The following COL15A1 variants were observed in gnomAD, a reference collection of about 807,000 sequenced individuals.
COL15A1 encodes collagen alpha-1(XV) chain.
In COL15A1, 111 loss-of-function variants were observed where a neutral mutation model predicts 165.9. That is an observed-to-expected ratio of 0.67 (90% CI 0.57 to 0.78). The LOEUF is 0.78. Ranked by LOEUF, COL15A1 falls within the 30% of genes least tolerant of loss-of-function variation. COL15A1 has a pLI of 0.00. For synonymous variants in COL15A1, 659 were observed against 674.8 expected, an observed-to-expected ratio of 0.98 and a Z score of 0.36; for missense variants, 1,745 against 1,789.7, an observed-to-expected ratio of 0.98 and a Z score of 0.45.
chr9:99,053,960 A>G (rs934731559), intron 31 of COL15A1, among the ~76,000 whole-genome samples: 1 of 152,186 alleles, frequency 6.6e-6, no homozygotes, highest in Admixed American at 6.5e-5. Context: ...TGATCTCCCA[A>G]AAGGCTTTCC....
Position 99,025,917 on chromosome 9 carries a change from A to G in COL15A1, c.1994A>G (p.Gln665Arg). The G allele has an allele frequency of 6.2e-7, 1 of 1,613,212 alleles. No homozygotes were observed. The change falls in exon 16 of 42, where the codon CAG becomes CGG. Residue 665 changes from glutamine to arginine, a missense_variant. By Grantham distance (43) the Gln-to-Arg change is conservative. Coordinates refer to ENST00000375001, the MANE Select transcript of COL15A1 (RefSeq NM_001855.5). ...GEPGPPGPEG[Q>R]PGVDGATGLP... is the part of the protein sequence containing the mutation. ...GATGTTCCCCAGGGCCCTGAGGGACAGCCTGGAGTTGATGGAGCCACCGGC... is the reference window on the plus strand; with the variant it reads ...GATGTTCCCCAGGGCCCTGAGGGACGGCCTGGAGTTGATGGAGCCACCGGC...
chr9:99,066,529 T>C (rs1375530437), intron 39 of COL15A1, among the ~76,000 whole-genome samples: 1 of 151,038 alleles, frequency 6.6e-6, no homozygotes, highest in African/African-American at 2.4e-5. Context: ...CTCAAACTTA[T>C]GGCCTGCAGG....
rs572510277 is a variant in COL15A1, at chr9:99,036,143, A to T, written c.2290-27A>T. On this transcript the variant is annotated intron_variant, in intron 19 of 41. Coordinates refer to ENST00000375001, the MANE Select transcript of COL15A1 (RefSeq NM_001855.5). ...TGGAGGTGAGCAAAGTGACTAGAAG[A>T]ATATTTATTTTTGTTTATTTTTCCA... The T allele has an allele frequency of 1.4e-5, 23 of 1,590,078 alleles. No homozygotes were observed. In the South Asian group the frequency reaches 2.5e-4, roughly 18 times the overall value.
At chr9:99,069,074 A>T (rs139989071) in intron 41 of COL15A1, among the ~76,000 whole-genome samples, 1 of 152,364 alleles carries the variant, frequency 6.6e-6, no homozygotes, top group Non-Finnish European at 1.5e-5. Context: ...CTTGAAAATT[A>T]TGTGAGTTTT....
intron 2 of COL15A1, among the ~76,000 whole-genome samples, chr9:98,964,794 T>A (rs1353469664): frequency 6.6e-6 from 1 of 152,078 alleles, no homozygotes; most frequent in African/African-American, 2.4e-5. Context: ...TGGGCATCAG[T>A]TTTCTCATCT....
intron 2 of COL15A1, among the ~76,000 whole-genome samples, chr9:98,977,410 C>T (rs1197271783): frequency 6.6e-6 from 1 of 152,244 alleles, no homozygotes; most frequent in Non-Finnish European, 1.5e-5. Flanking sequence ...CTCCTCCCCT[C>T]CCTGGTGGCT....
At chr9:99,043,256 G>A (rs1839442086) in intron 24 of COL15A1, among the ~76,000 whole-genome samples, 1 of 152,116 alleles carries the variant, frequency 6.6e-6, no homozygotes, top group African/African-American at 2.4e-5. Context: ...GCTGGGTGAA[G>A]GTTTGGCATC....
At chr9:99,063,200 A>T in intron 39 of COL15A1, 91 bp downstream of exon 39, 1 of 1,365,078 alleles carries the variant, frequency 7.3e-7, no homozygotes, top group Non-Finnish European at 9.6e-7. Flanking sequence ...TCCTACCATC[A>T]TGATACTTAT....
intron 9 of COL15A1, among the ~76,000 whole-genome samples, chr9:99,012,367 T>C (rs191033510): frequency 2.0e-5 from 3 of 152,282 alleles, no homozygotes; most frequent in Admixed American, 2.0e-4. Flanking sequence ...ACTCTAGCCA[T>C]GAAATATTAA....
chr9:98,987,182 C>T (rs369027496), intron 3 of COL15A1, 112 bp from the exon 4 acceptor site: 7 of 1,026,998 alleles, frequency 6.8e-6, no homozygotes, highest in African/African-American at 3.2e-5. Flanking sequence ...TGTACATCCT[C>T]ATTCCCACGC....
intron 2 of COL15A1, among the ~76,000 whole-genome samples, chr9:98,959,227 C>CAAAAAAAA (rs60892848): frequency 8.2e-5 from 6 of 73,176 alleles, no homozygotes; most frequent in African/African-American, 1.1e-4. Flanking sequence ...CCTGTCTCTA[C>CAAAAAAAA]AAAAAAAAAA....
At chr9:99,009,686 TA>T (rs762210335) in intron 9 of COL15A1, among the ~76,000 whole-genome samples, 13 of 151,038 alleles carry the variant, frequency 8.6e-5, no homozygotes, top group South Asian at 2.1e-4. Context: ...CTCAAAGAGT[TA>T]AAAAAAAAGG....
chr9:98,987,359 A>C lies in COL15A1; in HGVS notation c.714A>C (p.Glu238Asp). The change falls in exon 4 of 42, where the codon GAA (glutamate) becomes GAC (aspartate). Residue 238 changes from glutamate (E) to aspartate (D), a missense_variant. Glu to Asp is a conservative substitution (Grantham distance 45, BLOSUM62 2). Transcript: ENST00000375001. ...CTCCCGAGGAGCTGTGTGACCCTGA[A>C]GAGTCCTCGGTGAGCTCCCCTACTA... Reference protein sequence around the residue: ...PRTPEELCDPEESSASGETSG... With the variant: ...PRTPEELCDPDESSASGETSG... 6.2e-7 allele frequency: 1 copy of C among 1,612,202 alleles called. No individual in the cohort carries two copies. Among genetic ancestry groups the C allele is most frequent in the South Asian group, 1.1e-5 (1 of 90,804 alleles).
intron 11 of COL15A1, among the ~76,000 whole-genome samples, chr9:99,019,255 G>A (rs554161328): frequency 2.6e-5 from 4 of 152,164 alleles, no homozygotes; most frequent in Non-Finnish European, 4.4e-5. Context: ...GTGCAGTGGC[G>A]TGATCTCGGC....
At chr9:99,069,105 A>G (rs1041843821) in intron 41 of COL15A1, among the ~76,000 whole-genome samples, 3 of 152,236 alleles carry the variant, frequency 2.0e-5, no homozygotes, top group Non-Finnish European at 2.9e-5. Flanking sequence ...ACAACTCAGC[A>G]AACCTCTCCT....
chr9:99,021,350 C>A (rs946996847), intron 12 of COL15A1, among the ~76,000 whole-genome samples: 1 of 122,570 alleles, frequency 8.2e-6, no homozygotes, highest in African/African-American at 3.6e-5. Context: ...CAGTGGACTT[C>A]AGATGGAGCA....
intron 13 of COL15A1, 23 bp downstream of exon 13, chr9:99,022,173 TCA>T: frequency 1.2e-6 from 2 of 1,613,998 alleles, no homozygotes; most frequent in East Asian, 2.2e-5. Context: ...TCCAGGCTTG[TCA>T]CACACACAGG....
At chr9:98,975,578 T>C (rs1838129129) in intron 2 of COL15A1, among the ~76,000 whole-genome samples, 1 of 152,244 alleles carries the variant, frequency 6.6e-6, no homozygotes, top group African/African-American at 2.4e-5. Flanking sequence ...CTGGTTTCCA[T>C]GGAAACTGGC....
chr9:98,956,461 C>A (rs1284082122), intron 2 of COL15A1, among the ~76,000 whole-genome samples: 1 of 152,046 alleles, frequency 6.6e-6, no homozygotes, highest in Non-Finnish European at 1.5e-5. Flanking sequence ...ACATGCATAT[C>A]CACATACACA....
Sources: gnomAD v4.1 joint callset for allele counts (sites outside exome capture counted in the v4.1 genomes callset) on GRCh38, gnomAD v4.1.1 for gene constraint, MANE v1.5 for transcripts, NCBI Gene and HGNC (gene_info 2026-07-23, HGNC 2026-07-21) for gene names.